Variants in PRKD3 observed in about 807,000 individuals in gnomAD.
PRKD3 encodes serine/threonine-protein kinase D3.
In PRKD3, 47 loss-of-function variants were observed where a neutral mutation model predicts 99.2. That is an observed-to-expected ratio of 0.47 (90% CI 0.38 to 0.60). The LOEUF (loss-of-function observed/expected upper bound fraction) is 0.60. Among genes scored for constraint, PRKD3 ranks in the 20% least tolerant of loss-of-function variants. PRKD3 has a pLI of 0.00. For missense variants in PRKD3, 1,019 were observed against 1,088.4 expected (o/e 0.94, Z 0.90); for synonymous variants, 392 against 355.4 (o/e 1.10, Z -1.16).
intron 1 of PRKD3, among the ~76,000 whole-genome samples, chr2:37,318,728 C>A (rs1027783223): frequency 1.3e-5 from 2 of 152,246 alleles, no homozygotes; most frequent in Admixed American, 1.3e-4. Flanking sequence ...GTCTCTGGGT[C>A]CAGATGCAGT....
intron 18 of PRKD3, 106 bp downstream of exon 18, chr2:37,254,098 G>C: frequency 1.3e-6 from 1 of 794,138 alleles, no homozygotes. Flanking sequence ...TCACTTAAGA[G>C]CACTTTTATT....
chr2:37,305,632 C>T (rs1454127541), intron 2 of PRKD3, among the ~76,000 whole-genome samples: 1 of 152,136 alleles, frequency 6.6e-6, no homozygotes, highest in Non-Finnish European at 1.5e-5. Context: ...ACAAGTAATC[C>T]AGGCCCTTTA....
At chr2:37,283,265 C>A (rs1413754815) in intron 6 of PRKD3, among the ~76,000 whole-genome samples, 1 of 152,178 alleles carries the variant, frequency 6.6e-6, no homozygotes, top group African/African-American at 2.4e-5. Context: ...TGCGCCCTAT[C>A]CCAGACCTAC....
chr2:37,259,232 A>G (rs1043593763), intron 16 of PRKD3, among the ~76,000 whole-genome samples: 7 of 152,134 alleles, frequency 4.6e-5, no homozygotes, highest in Non-Finnish European at 8.8e-5. Flanking sequence ...ACCAAAATCT[A>G]TCTCCCATTT....
intron 4 of PRKD3, 130 bp from the exon 5 acceptor site, chr2:37,289,643 C>T: frequency 1.4e-6 from 1 of 720,582 alleles, no homozygotes; most frequent in Non-Finnish European, 2.1e-6. Context: ...AATTAAGAAC[C>T]CAGACAGCAG....
chr2:37,291,513 T>C (rs1421948657), intron 3 of PRKD3, among the ~76,000 whole-genome samples: 3 of 152,188 alleles, frequency 2.0e-5, no homozygotes, highest in Non-Finnish European at 2.9e-5. Flanking sequence ...CCCAAGGAAC[T>C]TCCTCTCACC....
At chr2:37,321,195 C>G (rs1671870451) in intron 1 of PRKD3, among the ~76,000 whole-genome samples, 2 of 152,130 alleles carry the variant, frequency 1.3e-5, no homozygotes, top group African/African-American at 4.8e-5. Context: ...GTACGAGGCT[C>G]TAAATAATAT....
intron 1 of PRKD3, among the ~76,000 whole-genome samples, chr2:37,320,159 G>C (rs1255767332): frequency 1.3e-5 from 2 of 152,122 alleles, no homozygotes; most frequent in East Asian, 1.9e-4. Context: ...TTCCAGAAAA[G>C]AAACAAGAAT....
chr2:37,279,007 G>A (rs1328011139), intron 8 of PRKD3: 1 of 151,148 alleles, frequency 6.6e-6, no homozygotes, highest in Non-Finnish European at 1.5e-5. Flanking sequence ...GCTAAACAAA[G>A]ATTTTGTTAA....
intron 2 of PRKD3, among the ~76,000 whole-genome samples, chr2:37,313,997 T>C (rs1300478893): frequency 6.6e-6 from 1 of 152,114 alleles, no homozygotes; most frequent in Non-Finnish European, 1.5e-5. Flanking sequence ...AAGTCCCAAA[T>C]GTGTTTGCAA....
At chr2:37,302,298 G>A (rs1022413400) in intron 2 of PRKD3, among the ~76,000 whole-genome samples, 1 of 152,088 alleles carries the variant, frequency 6.6e-6, no homozygotes, top group Admixed American at 6.5e-5. Context: ...GACCCCTCTT[G>A]ACTGTGCAAA....
intron 3 of PRKD3, among the ~76,000 whole-genome samples, chr2:37,292,100 A>T (rs1026115916): frequency 1.3e-5 from 2 of 152,126 alleles, no homozygotes; most frequent in African/African-American, 4.8e-5. Flanking sequence ...CACAGAAATA[A>T]CCAGCATTGT....
chr2:37,319,270 G>C (rs1437316068), intron 1 of PRKD3, among the ~76,000 whole-genome samples: 1 of 152,192 alleles, frequency 6.6e-6, no homozygotes, highest in Admixed American at 6.5e-5. Context: ...GAATGTTACT[G>C]GAGTGTGGGT....
At chr2:37,268,790 G>C (rs975596730) in intron 13 of PRKD3, 1 of 154,582 alleles carries the variant, frequency 6.5e-6, no homozygotes, top group African/African-American at 2.4e-5. Context: ...GCTGCAATTA[G>C]ATCTGAGGCT....
chr2:37,322,469 G>C (rs1035492861), intron 1 of PRKD3, among the ~76,000 whole-genome samples: 1 of 152,182 alleles, frequency 6.6e-6, no homozygotes, highest in African/African-American at 2.4e-5. Context: ...AGAGTACTGA[G>C]AGAGCACACC....
chr2:37,303,848 A>C (rs1423727955), intron 2 of PRKD3, among the ~76,000 whole-genome samples: 2 of 152,158 alleles, frequency 1.3e-5, no homozygotes, highest in Non-Finnish European at 2.9e-5. Flanking sequence ...ATATATAATA[A>C]ATGCACTAAT....
chr2:37,286,297 C>T lies in PRKD3; in HGVS notation c.790G>A (p.Val264Ile), dbSNP rs1670091616. The T allele has an allele frequency of 6.2e-7, 1 of 1,613,924 alleles. No homozygotes were observed. Among genetic ancestry groups the T allele is most frequent in the Non-Finnish European group, 8.5e-7 (1 of 1,179,970 alleles). ...SGRPIWMEKM[V>I]MCRVKVPHTF... The stretch of plus-strand genomic sequence containing the variant: ...TGTGGAACTTTCACTCTGCACATTA[C>T]CATCTTTTCCATCCAGATTGGGCGA... The change falls in exon 6 of 19, where the codon GTA (valine) becomes ATA (isoleucine). Residue 264 changes from valine (V) to isoleucine (I), a missense_variant. Around this residue, in one of 3 missense-constraint regions of PRKD3, gnomAD observed 710 missense variants for 692.7 expected, o/e 1.02. Coordinates refer to ENST00000234179, the MANE Select transcript of PRKD3 (RefSeq NM_005813.6).
chr2:37,318,188 A>T (rs569625604), intron 1 of PRKD3, among the ~76,000 whole-genome samples: 8 of 152,308 alleles, frequency 5.3e-5, no homozygotes, highest in African/African-American at 1.9e-4. Context: ...AAAAGCACAC[A>T]ACTATAGTAT....
chr2:37,288,012 A>C (rs1670205045), intron 5 of PRKD3, among the ~76,000 whole-genome samples: 1 of 152,218 alleles, frequency 6.6e-6, no homozygotes, highest in South Asian at 2.1e-4. Context: ...TAACCAATTC[A>C]GACATGTAAC....
Sources: allele counts gnomAD v4.1 joint callset (sites outside exome capture counted in the v4.1 genomes callset), GRCh38; gene constraint gnomAD v4.1.1; regional missense constraint gnomAD v4.1.1; transcripts MANE v1.5; gene names NCBI Gene and HGNC (gene_info 2026-07-23, HGNC 2026-07-21).